ASIC2: variants seen among roughly 807,000 people sequenced by gnomAD.
The protein encoded by ASIC2 is acid-sensing ion channel 2.
Under a neutral mutation model 57.3 loss-of-function variants are expected in ASIC2, and 25 were observed. That is an observed-to-expected ratio of 0.44 (90% CI 0.32 to 0.61). The LOEUF (loss-of-function observed/expected upper bound fraction) is 0.61, where lower values mean the gene tolerates loss of function less well. Among genes scored for constraint, ASIC2 ranks in the 20% least tolerant of loss-of-function variants. ASIC2 has a pLI of 0.06. For synonymous variants in ASIC2, 319 were observed against 307.5 expected, an observed-to-expected ratio of 1.04 and a Z score of -0.39; for missense variants, 641 against 738.1, an observed-to-expected ratio of 0.87 and a Z score of 1.52.
chr17:33,604,125 G>GC (rs533333026), intron 1 of ASIC2, among the ~76,000 whole-genome samples: 120 of 152,288 alleles, frequency 7.9e-4, no homozygotes, highest in African/African-American at 2.8e-3. Flanking sequence ...TGGAGGCTGT[G>GC]TCAAGGAAAT....
At chr17:33,037,988 C>T (rs3025240) in intron 3 of ASIC2, among the ~76,000 whole-genome samples, 2,673 of 152,220 alleles carry the variant, frequency 0.018, 72 homozygotes, top group African/African-American at 0.061. Context: ...ATCTCTTAAG[C>T]CTTTGTGTCT....
intron 1 of ASIC2, among the ~76,000 whole-genome samples, chr17:33,235,962 G>A (rs565612483): frequency 2.0e-5 from 3 of 151,748 alleles, no homozygotes; most frequent in East Asian, 2.0e-4. Flanking sequence ...TCAGCCTCCC[G>A]AGTAGCTGGA....
At chr17:33,906,077 G>A (rs1038397654) in intron 1 of ASIC2, among the ~76,000 whole-genome samples, 2 of 136,832 alleles carry the variant, frequency 1.5e-5, no homozygotes, top group African/African-American at 5.5e-5. Flanking sequence ...TTGAACTCCT[G>A]GGCCTCCAAA....
intron 1 of ASIC2, among the ~76,000 whole-genome samples, chr17:33,419,324 AAAGAAATAATGTCAAGAGGTACGCCC>A (rs1649569898): frequency 6.6e-6 from 1 of 152,228 alleles, no homozygotes; most frequent in African/African-American, 2.4e-5. Context: ...GAATGTGTTT[AAAGAAATAATGTCAAGAGGTACGCCC>A]ATTGAGGCTC....
chr17:33,457,053 A>C (rs1912475429), intron 1 of ASIC2, among the ~76,000 whole-genome samples: 1 of 152,198 alleles, frequency 6.6e-6, no homozygotes, highest in African/African-American at 2.4e-5. Flanking sequence ...TTTAAGCTTC[A>C]GTTTTCTTAA....
intron 1 of ASIC2, among the ~76,000 whole-genome samples, chr17:33,359,456 T>G (rs1415153169): frequency 1.3e-5 from 2 of 152,156 alleles, no homozygotes; most frequent in Non-Finnish European, 2.9e-5. Flanking sequence ...CACTACCTAC[T>G]TGGTCAGGGG....
At chr17:33,611,975 A>G (rs1414871746) in intron 1 of ASIC2, among the ~76,000 whole-genome samples, 1 of 152,226 alleles carries the variant, frequency 6.6e-6, no homozygotes, top group East Asian at 1.9e-4. Flanking sequence ...CTCTAGTTAG[A>G]GTCTGAAGGC....
chr17:33,488,986 G>A (rs531263545), intron 1 of ASIC2, among the ~76,000 whole-genome samples: 15 of 152,190 alleles, frequency 9.9e-5, no homozygotes, highest in African/African-American at 3.6e-4. Flanking sequence ...ACCCCTCCCT[G>A]ATGAGATGAT....
rs186748724 is a variant in ASIC2 at position 33,304,952 on chromosome 17, C to T, written c.556-192885G>A. 3.8e-3 allele frequency among the ~76,000 whole-genome samples: 578 copies of T among 152,138 alleles called. 3 individuals are homozygous for T. The highest frequency in any genetic ancestry group is 6.1e-3 in the Non-Finnish European group (418 of 68,008). On this transcript the variant is annotated intron_variant, in intron 1 of 9. Transcript: ENST00000359872. Reference sequence around the variant, plus strand: ...ACAACTGTGCTTCCATCTTTAACTACGGTTCGAATTTTCTTTGGTGTTAGC... The same window carrying T: ...ACAACTGTGCTTCCATCTTTAACTATGGTTCGAATTTTCTTTGGTGTTAGC...
At chr17:33,153,126 C>T (rs1904866335) in intron 1 of ASIC2, among the ~76,000 whole-genome samples, 1 of 152,202 alleles carries the variant, frequency 6.6e-6, no homozygotes, top group Admixed American at 6.5e-5. Flanking sequence ...GGATGGTCAT[C>T]CCCATTGCAG....
At chr17:33,661,843 A>G (rs760418089) in intron 1 of ASIC2, among the ~76,000 whole-genome samples, 1 of 152,094 alleles carries the variant, frequency 6.6e-6, no homozygotes, top group Non-Finnish European at 1.5e-5. Context: ...CTGGCAGAAA[A>G]CTGACTGGCG....
intron 1 of ASIC2, among the ~76,000 whole-genome samples, chr17:33,521,715 C>T (rs572193339): frequency 5.9e-4 from 90 of 152,318 alleles, no homozygotes; most frequent in African/African-American, 2.1e-3. Context: ...GCTCAAGTCA[C>T]GTAACCTGAT....
intron 1 of ASIC2, among the ~76,000 whole-genome samples, chr17:33,729,465 C>T (rs953681515): frequency 1.3e-5 from 2 of 152,176 alleles, no homozygotes; most frequent in African/African-American, 4.8e-5. Context: ...AATACCCAAA[C>T]TATATCATTA....
At chr17:33,773,656 GTTTTT>G (rs113663094) in intron 1 of ASIC2, among the ~76,000 whole-genome samples, 249 of 136,986 alleles carry the variant, frequency 1.8e-3, no homozygotes, top group African/African-American at 5.9e-3. Context: ...TAGTCTCTCT[GTTTTT>G]TTTTTTTTTT....
chr17:33,610,864 C>T lies in ASIC2; in HGVS notation c.556-498797G>A, dbSNP rs543543906. 8.5e-5 allele frequency among the ~76,000 whole-genome samples: 13 copies of T among 152,246 alleles called. No individual in the cohort carries two copies. The South Asian group carries it at 2.7e-3, about 32-fold the overall frequency. On this transcript the variant is annotated intron_variant, in intron 1 of 9. Transcript: ENST00000359872. ...GAGCTATGATAGCACCACTGCCCTC[C>T]AGCCTGAGCAACAGAGCAAGACCCT...
intron 1 of ASIC2, among the ~76,000 whole-genome samples, chr17:33,242,002 TTAAC>T (rs1465314058): frequency 3.3e-5 from 5 of 152,176 alleles, no homozygotes; most frequent in African/African-American, 1.2e-4. Context: ...ATTCTCCACT[TTAAC>T]TCCGAACCTA....
intron 1 of ASIC2, among the ~76,000 whole-genome samples, chr17:33,335,433 CTG>C (rs1907474445): frequency 1.3e-5 from 2 of 152,212 alleles, no homozygotes; most frequent in South Asian, 4.1e-4. Context: ...GTTGAAGAAA[CTG>C]TGCTTTAGAT....
intron 1 of ASIC2, among the ~76,000 whole-genome samples, chr17:33,332,480 T>C (rs1418224593): frequency 6.6e-6 from 1 of 152,166 alleles, no homozygotes; most frequent in East Asian, 1.9e-4. Flanking sequence ...TCACAGCATG[T>C]CTTATTTCAG....
At position 33,436,853 on chromosome 17, in the gene ASIC2, C is replaced by CTT. The variant is rs71144877; in HGVS notation, c.556-324788_556-324787dup. 3.5e-3 allele frequency among the ~76,000 whole-genome samples: 236 copies of CTT among 66,570 alleles called. 20 individuals are homozygous for CTT. The highest frequency in any genetic ancestry group is 7.1e-3 in the African/African-American group (142 of 20,002). 43.7% of individuals were successfully genotyped at this position (66,570 alleles called of 152,430 possible). ...AATGCCTTAAAACACATTCCAACTTCTTTTTTTTTTTTTTTTTTTTTTTTT... is the reference window on the plus strand; with the variant it reads ...AATGCCTTAAAACACATTCCAACTTCTTTTTTTTTTTTTTTTTTTTTTTTTTT... On this transcript the variant is annotated intron_variant, in intron 1 of 9. Coordinates refer to the ASIC2 transcript ENST00000359872.
Sources: allele counts gnomAD v4.1 joint callset (sites outside exome capture counted in the v4.1 genomes callset), GRCh38; gene constraint gnomAD v4.1.1; transcripts MANE v1.5; gene names NCBI Gene and HGNC (gene_info 2026-07-23, HGNC 2026-07-21).